The following SORCS2 variants were observed in gnomAD, a reference collection of about 807,000 sequenced individuals.
SORCS2 encodes the protein VPS10 domain-containing receptor SorCS2.
SORCS2 carries 100 observed loss-of-function variants against 141.6 expected under a neutral mutation model. That is an observed-to-expected ratio of 0.71 (90% CI 0.60 to 0.83). The LOEUF (loss-of-function observed/expected upper bound fraction) is 0.83. Among genes scored for constraint, SORCS2 ranks in the 40% least tolerant of loss-of-function variants. The probability of loss-of-function intolerance (pLI) is 0.00; values close to 1 mark genes in which losing one functional copy is unlikely to be tolerated. For synonymous variants in SORCS2, 789 were observed against 676.9 expected, an observed-to-expected ratio of 1.17 and a Z score of -2.57; for missense variants, 1,646 against 1,560.2, an observed-to-expected ratio of 1.05 and a Z score of -0.93.
At chr4:7,208,057 G>A (rs376893631) in intron 1 of SORCS2, among the ~76,000 whole-genome samples, 135 of 152,190 alleles carry the variant, frequency 8.9e-4, no homozygotes, top group African/African-American at 3.0e-3. Flanking sequence ...TTGGCCCTGG[G>A]TGGGAGCCAG....
chr4:7,519,745 G>A lies in SORCS2; in HGVS notation c.549-11785G>A, dbSNP rs571596893. On this transcript the variant is annotated intron_variant, in intron 2 of 26. Coordinates refer to ENST00000507866, the MANE Select transcript of SORCS2 (RefSeq NM_020777.3). ...GTCCCCGCAGCACCCACACCTCTTA[G>A]TCTGACCCATTCTGCCCCTCCTTCC... Among the ~76,000 whole-genome samples the A allele has an allele frequency of 1.9e-3, 282 of 152,302 alleles. 2 individuals are homozygous for A. Among genetic ancestry groups the A allele is most frequent in the Non-Finnish European group, 3.6e-3 (242 of 68,026 alleles).
chr4:7,429,004 C>T (rs1726645013), intron 2 of SORCS2, among the ~76,000 whole-genome samples: 1 of 152,122 alleles, frequency 6.6e-6, no homozygotes, highest in East Asian at 1.9e-4. Flanking sequence ...GGTAACCATG[C>T]TGCTGGATAG....
chr4:7,698,634 C>A (rs191312618), intron 12 of SORCS2, among the ~76,000 whole-genome samples: 1 of 152,158 alleles, frequency 6.6e-6, no homozygotes, highest in Non-Finnish European at 1.5e-5. Context: ...TCGCTTTTGC[C>A]GAGGAATTTG....
chr4:7,715,206 C>G lies in SORCS2; in HGVS notation c.2147C>G (p.Ser716Cys). 1 of 1,614,002 alleles carries G rather than the reference C, an allele frequency of 6.2e-7. No homozygotes were observed. The highest frequency in any genetic ancestry group is 8.5e-7 in the Non-Finnish European group (1 of 1,179,864). Residue 716 changes from serine (S) to cysteine (C), a missense_variant, in exon 17 of 27, where the codon TCC (serine) becomes TGC (cysteine). Transcript: ENST00000507866. Reference protein sequence around the residue: ...FLCDYGFERSSSSESSTNKCS... With the variant: ...FLCDYGFERSCSSESSTNKCS... ...AGCGACTACGGATTTGAGCGCTCCTCCTCCTCAGAGTCCAGCACCAACAAG... is the reference window on the plus strand; with the variant it reads ...AGCGACTACGGATTTGAGCGCTCCTGCTCCTCAGAGTCCAGCACCAACAAG...
intron 2 of SORCS2, among the ~76,000 whole-genome samples, chr4:7,495,842 C>T (rs752442401): frequency 6.6e-6 from 1 of 152,226 alleles, no homozygotes; most frequent in African/African-American, 2.4e-5. Context: ...GACCAGGGGC[C>T]GCAGCCCCCA....
chr4:7,377,193 A>G (rs888429102), intron 1 of SORCS2, among the ~76,000 whole-genome samples: 2 of 151,906 alleles, frequency 1.3e-5, no homozygotes, highest in African/African-American at 2.4e-5. Flanking sequence ...CCGGATTTGT[A>G]TCGTTGATTG....
chr4:7,274,118 T>C (rs909068135), intron 1 of SORCS2, among the ~76,000 whole-genome samples: 1 of 152,228 alleles, frequency 6.6e-6, no homozygotes, highest in African/African-American at 2.4e-5. Context: ...CCTTTCACCC[T>C]TTCTCCTCTC....
intron 3 of SORCS2, among the ~76,000 whole-genome samples, chr4:7,636,776 G>T (rs1311411180): frequency 2.0e-5 from 3 of 152,060 alleles, no homozygotes; most frequent in African/African-American, 7.2e-5. Context: ...GGTTGGAGGA[G>T]CTATTGTGTG....
At chr4:7,368,371 T>C (rs933871833) in intron 1 of SORCS2, among the ~76,000 whole-genome samples, 1 of 152,206 alleles carries the variant, frequency 6.6e-6, no homozygotes, top group Non-Finnish European at 1.5e-5. Flanking sequence ...TGAAAACCTC[T>C]CAAGCCCACC....
At chr4:7,653,632 G>A (rs567163080) in intron 4 of SORCS2, among the ~76,000 whole-genome samples, 12 of 152,302 alleles carry the variant, frequency 7.9e-5, no homozygotes, top group South Asian at 6.2e-4. Context: ...GTCCCTGGGC[G>A]ATGGCACTGG....
At chr4:7,225,293 T>C (rs1728929031) in intron 1 of SORCS2, among the ~76,000 whole-genome samples, 1 of 152,228 alleles carries the variant, frequency 6.6e-6, no homozygotes, top group South Asian at 2.1e-4. Flanking sequence ...CCCACTGGAC[T>C]GTGAACTGTG....
intron 2 of SORCS2, among the ~76,000 whole-genome samples, chr4:7,475,211 C>G (rs1007197154): frequency 1.3e-5 from 2 of 152,112 alleles, no homozygotes; most frequent in Non-Finnish European, 2.9e-5. Context: ...GCCGCCGTGC[C>G]TGGGACTTGG....
At chr4:7,574,713 A>AG (rs1715633261) in intron 3 of SORCS2, among the ~76,000 whole-genome samples, 1 of 152,158 alleles carries the variant, frequency 6.6e-6, no homozygotes, top group South Asian at 2.1e-4. Context: ...GGAAGTCACC[A>AG]GGGCAGGGCC....
intron 1 of SORCS2, among the ~76,000 whole-genome samples, chr4:7,225,056 A>C (rs1422433203): frequency 6.6e-6 from 1 of 152,248 alleles, no homozygotes; most frequent in Admixed American, 6.5e-5. Context: ...ATATGTTGGC[A>C]GACTCCTATT....
At chr4:7,335,271 T>C (rs1295083987) in intron 1 of SORCS2, among the ~76,000 whole-genome samples, 2 of 152,256 alleles carry the variant, frequency 1.3e-5, no homozygotes, top group African/African-American at 2.4e-5. Context: ...TTTTTCATTG[T>C]CTTTGTACAA....
chr4:7,570,501 C>G (rs926356347), intron 3 of SORCS2, among the ~76,000 whole-genome samples: 1 of 152,274 alleles, frequency 6.6e-6, no homozygotes, highest in African/African-American at 2.4e-5. Context: ...TGTGTGTCCC[C>G]ATCTGCATGT....
At chr4:7,197,770 C>T (rs913361258) in intron 1 of SORCS2, among the ~76,000 whole-genome samples, 9 of 152,110 alleles carry the variant, frequency 5.9e-5, no homozygotes, top group Admixed American at 1.3e-4. Flanking sequence ...CTGAAGAGTC[C>T]GTGTCGCAGT....
chr4:7,278,409 T>C (rs6814319), intron 1 of SORCS2, among the ~76,000 whole-genome samples: 107,531 of 151,962 alleles, frequency 0.71, 38,206 homozygotes, highest in Admixed American at 0.8. Flanking sequence ...TGAGAGGGGG[T>C]GGGGGGCAGA....
intron 1 of SORCS2, among the ~76,000 whole-genome samples, chr4:7,261,335 G>A (rs746614829): frequency 6.6e-6 from 1 of 152,208 alleles, no homozygotes; most frequent in South Asian, 2.1e-4. Flanking sequence ...AGGGCTCTGC[G>A]ACGGCCATAA....
Sources: allele counts gnomAD v4.1 joint callset (sites outside exome capture counted in the v4.1 genomes callset), GRCh38; gene constraint gnomAD v4.1.1; transcripts MANE v1.5; gene names NCBI Gene and HGNC (gene_info 2026-07-23, HGNC 2026-07-21).